The following SORCS1 variants were observed in gnomAD, a reference collection of about 807,000 sequenced individuals.
The protein encoded by SORCS1 is sortilin related VPS10 domain containing receptor 1, also known as VPS10 domain-containing receptor SorCS1.
A neutral mutation model predicts 146.1 loss-of-function variants in SORCS1; 60 were observed. The ratio of observed to expected loss-of-function variants is 0.41; its 90% CI spans 0.33 to 0.51. The LOEUF (loss-of-function observed/expected upper bound fraction) is 0.51, where lower values mean the gene tolerates loss of function less well. Ranked by LOEUF, SORCS1 falls within the 20% of genes least tolerant of loss-of-function variation. SORCS1 has a pLI of 0.21. For synonymous variants in SORCS1, 637 were observed against 584.0 expected, an observed-to-expected ratio of 1.09 and a Z score of -1.31; for missense variants, 1,352 against 1,487.6, an observed-to-expected ratio of 0.91 and a Z score of 1.50.
intron 2 of SORCS1, among the ~76,000 whole-genome samples, chr10:106,891,488 A>C (rs1178401368): frequency 1.0e-5 from 1 of 98,010 alleles, no homozygotes; most frequent in African/African-American, 3.5e-5. Flanking sequence ...AGTAATCAGA[A>C]GTTTCAATGG....
intron 1 of SORCS1, among the ~76,000 whole-genome samples, chr10:106,996,785 A>G (rs755089584): frequency 1.3e-5 from 2 of 152,198 alleles, no homozygotes; most frequent in Non-Finnish European, 2.9e-5. Context: ...CTTTGGGAAG[A>G]TGAGACAGCC....
At chr10:106,980,636 T>C (rs1956213302) in intron 1 of SORCS1, among the ~76,000 whole-genome samples, 2 of 152,252 alleles carry the variant, frequency 1.3e-5, no homozygotes, top group South Asian at 2.1e-4. Context: ...TCACTCTGCC[T>C]GTAAGTGGCC....
chr10:106,759,713 T>G (rs957898536), intron 5 of SORCS1, among the ~76,000 whole-genome samples: 1 of 152,178 alleles, frequency 6.6e-6, no homozygotes, highest in African/African-American at 2.4e-5. Context: ...AAAGGAATGC[T>G]ATTTCCTTTG....
rs532626223 is a variant in SORCS1, at chr10:106,767,515, G to C, written c.886-5854C>G. Among the ~76,000 whole-genome samples the C allele has an allele frequency of 8.5e-5, 13 of 152,226 alleles. No individual in the cohort carries two copies. In the South Asian group the frequency reaches 2.7e-3, roughly 32 times the overall value. On this transcript the variant is annotated intron_variant, in intron 4 of 25. Transcript: ENST00000263054. ...TTTATTTATTTATTTTTGAGACAGA[G>C]TTTCGCTCTGTTGTTCAGGTTGGAG...
At position 106,834,290 on chromosome 10, in the gene SORCS1, C is replaced by T. The variant is rs564971364; in HGVS notation, c.627-4617G>A. ...CCGATATGCTGGTTAAATATTTTAA[C>T]TATCATCCCTAGGTATGGGAGAGGA... On this transcript the variant is annotated intron_variant, in intron 2 of 25. Transcript: ENST00000263054. 8.5e-5 allele frequency among the ~76,000 whole-genome samples: 13 copies of T among 152,320 alleles called. No individual in the cohort carries two copies. In the South Asian group the frequency reaches 2.7e-3, roughly 32 times the overall value.
chr10:107,074,948 G>T (rs1962756182), intron 1 of SORCS1, among the ~76,000 whole-genome samples: 1 of 152,058 alleles, frequency 6.6e-6, no homozygotes, highest in South Asian at 2.1e-4. Context: ...ATCAATAACA[G>T]TAACTCACCT....
rs545546606 is a variant in SORCS1, at chr10:106,912,853, A to AT, written c.626+43659dup. On this transcript the variant is annotated intron_variant, in intron 2 of 25. Coordinates refer to ENST00000263054, the MANE Select transcript of SORCS1 (RefSeq NM_052918.5). The stretch of plus-strand genomic sequence containing the variant: ...ACCACCATGCCCGGCTAATTTTTGT[A>AT]TTTTTTTAGTAGAGATGGGGGTTTC... 4.0e-4 allele frequency among the ~76,000 whole-genome samples: 61 copies of AT among 151,568 alleles called. 1 individual carries two copies. The South Asian group carries it at 0.013, about 31-fold the overall frequency.
chr10:107,058,993 G>A (rs1268645076), intron 1 of SORCS1, among the ~76,000 whole-genome samples: 2 of 152,054 alleles, frequency 1.3e-5, no homozygotes, highest in Non-Finnish European at 2.9e-5. Context: ...GCTGCACCGG[G>A]TTTTTATCAC....
At chr10:106,899,125 A>T (rs532354198) in intron 2 of SORCS1, among the ~76,000 whole-genome samples, 1 of 152,212 alleles carries the variant, frequency 6.6e-6, no homozygotes, top group Non-Finnish European at 1.5e-5. Context: ...TGCTGAGAAC[A>T]CAGAACCAAG....
At chr10:107,042,523 A>G (rs553208452) in intron 1 of SORCS1, among the ~76,000 whole-genome samples, 1 of 152,316 alleles carries the variant, frequency 6.6e-6, no homozygotes, top group East Asian at 1.9e-4. Context: ...ACAGATGGGC[A>G]ATATCTTCCT....
At chr10:107,045,382 T>C (rs1176291877) in intron 1 of SORCS1, among the ~76,000 whole-genome samples, 1 of 152,190 alleles carries the variant, frequency 6.6e-6, no homozygotes, top group East Asian at 1.9e-4. Flanking sequence ...GCTGCCACTA[T>C]TGACCAGAAT....
chr10:106,849,832 A>G (rs61867334), intron 2 of SORCS1, among the ~76,000 whole-genome samples: 40,737 of 150,382 alleles, frequency 0.27, 6,649 homozygotes, highest in Non-Finnish European at 0.37. Context: ...CAGGTCTGTT[A>G]GAATACCCTG....
In SORCS1 at chr10:106,976,328, T is replaced by TTTTTGTTTTG. The variant is rs1314743932; in HGVS notation, c.559-19749_559-19748insCAAAACAAAA. On this transcript the variant is annotated intron_variant, in intron 1 of 25. Coordinates refer to ENST00000263054, the MANE Select transcript of SORCS1 (RefSeq NM_052918.5). ...CACCTATCAACTCATCATCTAGGTTTTTTTGTTTTTTTTTTTTTTTTGAGA... is the reference window on the plus strand; with the variant it reads ...CACCTATCAACTCATCATCTAGGTTTTTTTGTTTTGTTTTGTTTTTTTTTTTTTTTTGAGA... Among the ~76,000 whole-genome samples the TTTTTGTTTTG allele has an allele frequency of 1.4e-3, 153 of 105,848 alleles. 2 individuals carry two copies. The highest frequency in any genetic ancestry group is 9.1e-3 in the African/African-American group (147 of 16,084). 69.4% of individuals were successfully genotyped at this position (105,848 alleles called of 152,430 possible).
chr10:107,121,457 G>T (rs1334513061), intron 1 of SORCS1, among the ~76,000 whole-genome samples: 1 of 152,094 alleles, frequency 6.6e-6, no homozygotes, highest in South Asian at 2.1e-4. Flanking sequence ...TGACATCTTT[G>T]GGACCATCCC....
At chr10:106,840,436 G>C (rs1052313104) in intron 2 of SORCS1, among the ~76,000 whole-genome samples, 2 of 152,158 alleles carry the variant, frequency 1.3e-5, no homozygotes, top group African/African-American at 4.8e-5. Flanking sequence ...GATCACACTT[G>C]AACCAATGAG....
intron 18 of SORCS1, among the ~76,000 whole-genome samples, chr10:106,632,747 T>A (rs1019736987): frequency 1.3e-5 from 2 of 152,190 alleles, no homozygotes; most frequent in African/African-American, 4.8e-5. Context: ...AAAAAAATTA[T>A]TGCAGGGTGA....
intron 2 of SORCS1, among the ~76,000 whole-genome samples, chr10:106,863,645 G>A (rs1165905451): frequency 7.2e-6 from 1 of 138,722 alleles, no homozygotes; most frequent in Non-Finnish European, 1.5e-5. Flanking sequence ...CCTCCAGTCT[G>A]CATGTAGTGA....
intron 1 of SORCS1, among the ~76,000 whole-genome samples, chr10:107,150,247 C>T (rs1014817951): frequency 2.6e-5 from 4 of 152,168 alleles, no homozygotes; most frequent in South Asian, 2.1e-4. Flanking sequence ...ATTAAAGAAA[C>T]GCATGCCCAT....
At chr10:106,634,800 T>A (rs1393833596) in intron 18 of SORCS1, among the ~76,000 whole-genome samples, 1 of 152,236 alleles carries the variant, frequency 6.6e-6, no homozygotes, top group Admixed American at 6.5e-5. Context: ...GTATTCATAA[T>A]CAGTAGTCAG....
Sources: allele counts gnomAD v4.1 joint callset (sites outside exome capture counted in the v4.1 genomes callset), GRCh38; gene constraint gnomAD v4.1.1; transcripts MANE v1.5; gene names NCBI Gene and HGNC (gene_info 2026-07-23, HGNC 2026-07-21).